The following CARMIL1 variants were observed in gnomAD, a reference collection of about 807,000 sequenced individuals.
CARMIL1 encodes the protein F-actin-uncapping protein LRRC16A.
Under a neutral mutation model 177.1 loss-of-function variants are expected in CARMIL1, and 90 were observed. The ratio of observed to expected loss-of-function variants is 0.51; its 90% CI spans 0.43 to 0.61. The LOEUF (loss-of-function observed/expected upper bound fraction) is 0.61, where lower values mean the gene tolerates loss of function less well. Among genes scored for constraint, CARMIL1 ranks in the 20% least tolerant of loss-of-function variants. The pLI, the probability that CARMIL1 is intolerant of heterozygous loss-of-function variation, is 0.00. For synonymous variants in CARMIL1, 577 were observed against 606.2 expected, an observed-to-expected ratio of 0.95 and a Z score of 0.71; for missense variants, 1,380 against 1,667.0, an observed-to-expected ratio of 0.83 and a Z score of 3.00.
chr6:25,411,774 C>G (rs371313903), intron 2 of CARMIL1, among the ~76,000 whole-genome samples: 1 of 152,124 alleles, frequency 6.6e-6, no homozygotes, highest in Non-Finnish European at 1.5e-5. Flanking sequence ...GAATAGAAAA[C>G]GAAACTCAGT....
intron 2 of CARMIL1, among the ~76,000 whole-genome samples, chr6:25,366,755 A>G (rs1391835803): frequency 1.3e-5 from 2 of 152,032 alleles, no homozygotes; most frequent in Non-Finnish European, 2.9e-5. Flanking sequence ...TCATGTCTGT[A>G]CAGGTTGGCC....
intron 25 of CARMIL1, among the ~76,000 whole-genome samples, chr6:25,539,668 T>C (rs1440760530): frequency 7.2e-6 from 1 of 139,548 alleles, no homozygotes; most frequent in Admixed American, 7.3e-5. Context: ...GAGGAGGTAA[T>C]GTATTATTCC....
At chr6:25,495,047 G>T in intron 15 of CARMIL1, 64 bp from the exon 16 acceptor site, 1 of 898,844 alleles carries the variant, frequency 1.1e-6, no homozygotes, top group South Asian at 1.5e-5. Context: ...CACAGTGTCT[G>T]AATAATCAAT....
In CARMIL1 at chr6:25,581,318, G is replaced by C; in HGVS notation, c.2885G>C (p.Arg962Thr). Residue 962 changes from arginine (R) to threonine (T), a missense_variant, in exon 31 of 37, where the codon AGA becomes ACA. Physicochemically the swap from Arg to Thr is moderately conservative, Grantham distance 71. Transcript: ENST00000329474. ...GAAGACCCGCCCTTCCCATCCCTCA[G>C]ACAGGAGAAGCGGAGCTCGGGATTT... The part of the protein sequence containing the change: ...HIEDPPFPSL[R>T]QEKRSSGFIS... The C allele has an allele frequency of 6.2e-7, 1 of 1,613,878 alleles. No individual in the cohort carries two copies. Among genetic ancestry groups the C allele is most frequent in the Non-Finnish European group, 8.5e-7 (1 of 1,179,854 alleles).
chr6:25,498,030 G>T (rs1803914354), intron 16 of CARMIL1, among the ~76,000 whole-genome samples: 1 of 152,110 alleles, frequency 6.6e-6, no homozygotes, highest in African/African-American at 2.4e-5. Context: ...GATGCTCTTT[G>T]CTCCAGCATC....
chr6:25,398,600 G>C (rs1054378837), intron 2 of CARMIL1, among the ~76,000 whole-genome samples: 4 of 152,184 alleles, frequency 2.6e-5, no homozygotes, highest in African/African-American at 9.7e-5. Flanking sequence ...GACGACACAG[G>C]CTAGCTATGT....
intron 2 of CARMIL1, among the ~76,000 whole-genome samples, chr6:25,383,869 C>T (rs190136456): frequency 1.6e-4 from 25 of 152,212 alleles, no homozygotes; most frequent in African/African-American, 3.9e-4. Flanking sequence ...GGTGGAGTCT[C>T]GCTCTGTCGC....
intron 2 of CARMIL1, among the ~76,000 whole-genome samples, chr6:25,292,555 G>A (rs1479291974): frequency 1.3e-5 from 2 of 152,168 alleles, no homozygotes; most frequent in Non-Finnish European, 2.9e-5. Flanking sequence ...TCAGGAGGCA[G>A]TTCTGGCTGA....
chr6:25,595,456 A>G (rs1443887651), intron 32 of CARMIL1, among the ~76,000 whole-genome samples: 2 of 152,190 alleles, frequency 1.3e-5, no homozygotes, highest in East Asian at 1.9e-4. Flanking sequence ...ACTGAATCTT[A>G]TAACCTTTAG....
chr6:25,473,524 T>C (rs550998403), intron 11 of CARMIL1, among the ~76,000 whole-genome samples: 1 of 152,352 alleles, frequency 6.6e-6, no homozygotes, highest in East Asian at 1.9e-4. Flanking sequence ...TTCCTGTTCA[T>C]TAAGTGGAAG....
chr6:25,452,829 A>G (rs74662487), intron 8 of CARMIL1, among the ~76,000 whole-genome samples: 12,533 of 152,298 alleles, frequency 0.082, 607 homozygotes, highest in Non-Finnish European at 0.12. Flanking sequence ...AGTATTTTCA[A>G]TAGCCTTTTC....
rs1397168212 is a variant in CARMIL1, at chr6:25,537,929, G to C, written c.2142G>C (p.Gln714His). The C allele has an allele frequency of 1.9e-6, 3 of 1,606,774 alleles. No individual in the cohort carries two copies. Among genetic ancestry groups the C allele is most frequent in the Non-Finnish European group, 2.5e-6 (3 of 1,176,724 alleles). Residue 714 changes from glutamine (Q) to histidine (H), a missense_variant, in exon 25 of 37, where the codon CAG becomes CAC. Transcript: ENST00000329474. ...SLRNCGGDAIQEDLKSAERLM... is the reference protein window; with the variant it reads ...SLRNCGGDAIHEDLKSAERLM... The stretch of plus-strand genomic sequence containing the variant: ...GAAATTGTGGGGGAGACGCTATCCA[G>C]GAAGATTTAAAATCAGCAGAGCGGC...
chr6:25,542,222 AT>A (rs1201091778), intron 26 of CARMIL1, among the ~76,000 whole-genome samples: 5 of 152,214 alleles, frequency 3.3e-5, no homozygotes, highest in African/African-American at 1.2e-4. Flanking sequence ...ACCACCACTT[AT>A]ACCTTTGGTG....
intron 2 of CARMIL1, among the ~76,000 whole-genome samples, chr6:25,381,322 G>T (rs188499550): frequency 6.6e-6 from 1 of 152,232 alleles, no homozygotes; most frequent in Admixed American, 6.5e-5. Context: ...CATTGGGTGG[G>T]TCTGTGATCT....
intron 11 of CARMIL1, among the ~76,000 whole-genome samples, chr6:25,481,992 A>AGAAAAG (rs1163712801): frequency 6.6e-6 from 1 of 152,236 alleles, no homozygotes; most frequent in African/African-American, 2.4e-5. Context: ...AAAAAGAGTG[A>AGAAAAG]CACGTGGCCC....
chr6:25,538,895 T>G (rs1319970945), intron 25 of CARMIL1, among the ~76,000 whole-genome samples: 1 of 152,074 alleles, frequency 6.6e-6, no homozygotes, highest in Non-Finnish European at 1.5e-5. Flanking sequence ...GGCCACTGAT[T>G]TAATCAGTCG....
chr6:25,531,075 T>G (rs773729256), intron 24 of CARMIL1, among the ~76,000 whole-genome samples: 1 of 152,230 alleles, frequency 6.6e-6, no homozygotes, highest in Non-Finnish European at 1.5e-5. Context: ...GCTAAATGTT[T>G]AGTTTTTATT....
intron 23 of CARMIL1, among the ~76,000 whole-genome samples, chr6:25,528,296 T>G (rs894180552): frequency 1.3e-5 from 2 of 152,220 alleles, no homozygotes. Flanking sequence ...TCAAATCTTG[T>G]TGCGATTCTT....
At chr6:25,472,862 G>C (rs941181133) in intron 11 of CARMIL1, among the ~76,000 whole-genome samples, 1 of 152,176 alleles carries the variant, frequency 6.6e-6, no homozygotes. Flanking sequence ...AGGAGTCTGG[G>C]TACGGGTTAG....
Sources: gnomAD v4.1 joint callset for allele counts (sites outside exome capture counted in the v4.1 genomes callset) on GRCh38, gnomAD v4.1.1 for gene constraint, MANE v1.5 for transcripts, NCBI Gene and HGNC (gene_info 2026-07-23, HGNC 2026-07-21) for gene names.